Variants in MITF observed in about 807,000 individuals in gnomAD.
MITF encodes the protein microphthalmia-associated transcription factor.
In MITF, 17 loss-of-function variants were observed where a neutral mutation model predicts 60.5. That is an observed-to-expected ratio of 0.28 (90% CI 0.19 to 0.42). MITF has a LOEUF of 0.42. Ranked by LOEUF, MITF falls within the 10% of genes least tolerant of loss-of-function variation. The pLI is 1.00. For synonymous variants in MITF, 260 were observed against 248.5 expected (o/e 1.05, Z -0.43); for missense variants, 622 against 683.5 (o/e 0.91, Z 1.00).
intron 2 of MITF, among the ~76,000 whole-genome samples, chr3:69,904,744 G>C (rs2065062150): frequency 6.6e-6 from 1 of 151,966 alleles, no homozygotes; most frequent in Non-Finnish European, 1.5e-5. Flanking sequence ...GACCGTCCCA[G>C]GTATATATTA....
At chr3:69,870,416 A>G (rs183324298) in intron 1 of MITF, among the ~76,000 whole-genome samples, 99 of 147,798 alleles carry the variant, frequency 6.7e-4, no homozygotes, top group African/African-American at 2.1e-3. Flanking sequence ...GTATATATAT[A>G]TGTGTGTGTA....
intron 2 of MITF, among the ~76,000 whole-genome samples, chr3:69,881,502 A>G (rs987267419): frequency 1.3e-5 from 2 of 152,096 alleles, no homozygotes; most frequent in African/African-American, 2.4e-5. Flanking sequence ...ATCAGATAAC[A>G]TTTTTAAAGA....
At chr3:69,963,880 A>G (rs554557880) in intron 9 of MITF, among the ~76,000 whole-genome samples, 2 of 152,130 alleles carry the variant, frequency 1.3e-5, no homozygotes, top group African/African-American at 4.8e-5. Flanking sequence ...AGTTCATTGC[A>G]GCACACATGG....
intron 1 of MITF, among the ~76,000 whole-genome samples, chr3:69,791,416 G>T (rs2062738197): frequency 6.6e-6 from 1 of 152,138 alleles, no homozygotes; most frequent in African/African-American, 2.4e-5. Flanking sequence ...ATGTTCCTGA[G>T]TTCATTTTAC....
At chr3:69,791,033 T>C (rs1162749357) in intron 1 of MITF, among the ~76,000 whole-genome samples, 1 of 152,226 alleles carries the variant, frequency 6.6e-6, no homozygotes, top group Non-Finnish European at 1.5e-5. Flanking sequence ...TCTGCTTCTG[T>C]TTGAGGTCCT....
chr3:69,836,501 G>A (rs929771183), intron 1 of MITF, among the ~76,000 whole-genome samples: 14 of 152,186 alleles, frequency 9.2e-5, no homozygotes, highest in Non-Finnish European at 1.6e-4. Context: ...AGGGTGTGTA[G>A]CATATTGTAG....
intron 1 of MITF, among the ~76,000 whole-genome samples, chr3:69,847,550 T>TC (rs2063753153): frequency 6.6e-6 from 1 of 152,118 alleles, no homozygotes; most frequent in South Asian, 2.1e-4. Context: ...TATTTTTAAC[T>TC]CCAAGAGTGT....
At position 69,800,323 on chromosome 3, in the gene MITF, T is replaced by C. The variant is rs559116496; in HGVS notation, c.104+60622T>C. Among the ~76,000 whole-genome samples the C allele has an allele frequency of 5.9e-5, 9 of 152,262 alleles. No individual in the cohort carries two copies. The South Asian group carries it at 1.9e-3, about 32-fold the overall frequency. On this transcript the variant is annotated intron_variant, in intron 1 of 9. Transcript: ENST00000352241. ...GACAAGTAATATTCCAGTGTAGGGA[T>C]ATACCACATTTTGTTTATTCATTTT... is the stretch of plus-strand genomic sequence containing the variant.
chr3:69,868,392 T>A (rs1412736133), intron 1 of MITF, among the ~76,000 whole-genome samples: 1 of 152,198 alleles, frequency 6.6e-6, no homozygotes, highest in Non-Finnish European at 1.5e-5. Context: ...GGCTTAATGC[T>A]ATTATCTGTT....
chr3:69,934,850 G>C (rs2065797230), intron 2 of MITF, among the ~76,000 whole-genome samples: 1 of 152,190 alleles, frequency 6.6e-6, no homozygotes, highest in African/African-American at 2.4e-5. Flanking sequence ...TTTTCTAGTA[G>C]TTTGTGGGCC....
intron 1 of MITF, among the ~76,000 whole-genome samples, chr3:69,792,628 C>A (rs2566448): frequency 4.6e-5 from 7 of 152,074 alleles, no homozygotes; most frequent in Non-Finnish European, 7.4e-5. Flanking sequence ...ATTTGTTTTT[C>A]TAATTTTTAC....
chr3:69,865,036 T>C (rs1285749792), intron 1 of MITF, among the ~76,000 whole-genome samples: 2 of 152,188 alleles, frequency 1.3e-5, no homozygotes, highest in Non-Finnish European at 2.9e-5. Context: ...TCCACGAATT[T>C]ACACAATGCC....
At chr3:69,796,137 A>C (rs896175995) in intron 1 of MITF, among the ~76,000 whole-genome samples, 4 of 152,056 alleles carry the variant, frequency 2.6e-5, no homozygotes, top group African/African-American at 7.2e-5. Context: ...ATGTGCCACC[A>C]CACCAGCTAA....
chr3:69,868,382 GGCTT>G (rs1559685079), intron 1 of MITF, among the ~76,000 whole-genome samples: 1 of 152,046 alleles, frequency 6.6e-6, no homozygotes, highest in African/African-American at 2.4e-5. Flanking sequence ...CTGGCTCCAG[GGCTT>G]AATGCTATTA....
rs781567478 is a variant in MITF at position 69,879,274 on chromosome 3, C to T, written c.245C>T (p.Ala82Val). 2 of 1,614,196 alleles carry T rather than the reference C, an allele frequency of 1.2e-6. No homozygotes were observed. Among genetic ancestry groups the T allele is most frequent in the South Asian group, 1.1e-5 (1 of 91,086 alleles). The change falls in exon 2 of 10, where the codon GCG becomes GTG. Residue 82 changes from alanine (A) to valine (V), a missense_variant. Around this residue, in one of 5 missense-constraint regions of MITF, gnomAD observed 149 missense variants for 157.8 expected, o/e 0.94. Transcript: ENST00000352241. ...ERREQQQKLQ[A>V]AQFMQQRVPV... ...AGGGAGCAGCAGCAGAAGCTGCAGG[C>T]GGCCCAGTTCATGCAACAGAGAGTG...
chr3:69,804,259 C>T (rs114908319), intron 1 of MITF, among the ~76,000 whole-genome samples: 4,212 of 151,986 alleles, frequency 0.028, 99 homozygotes, highest in Non-Finnish European at 0.041. Context: ...TTCTCTTCTT[C>T]CCTCTCCTTT....
intron 1 of MITF, among the ~76,000 whole-genome samples, chr3:69,827,571 A>T (rs2063375849): frequency 6.6e-6 from 1 of 152,164 alleles, no homozygotes; most frequent in Non-Finnish European, 1.5e-5. Flanking sequence ...GTCAAGCCTG[A>T]TATCAATGGG....
chr3:69,923,654 G>A (rs897132724), intron 2 of MITF, among the ~76,000 whole-genome samples: 10 of 152,140 alleles, frequency 6.6e-5, no homozygotes, highest in African/African-American at 9.7e-5. Context: ...TCCTAATTAT[G>A]AGGAGTCTCT....
intron 5 of MITF, among the ~76,000 whole-genome samples, chr3:69,944,156 A>T (rs765175918): frequency 6.6e-6 from 1 of 152,156 alleles, no homozygotes; most frequent in Non-Finnish European, 1.5e-5. Context: ...TTCCATCTAC[A>T]TTAGCGTTGA....
Sources: allele counts gnomAD v4.1 joint callset (sites outside exome capture counted in the v4.1 genomes callset), GRCh38; gene constraint gnomAD v4.1.1; regional missense constraint gnomAD v4.1.1; transcripts MANE v1.5; gene names NCBI Gene and HGNC (gene_info 2026-07-23, HGNC 2026-07-21).